RABGAP1L: variants seen among roughly 807,000 people sequenced by gnomAD.
The protein encoded by RABGAP1L is rab GTPase-activating protein 1-like.
Under a neutral mutation model 137.7 loss-of-function variants are expected in RABGAP1L, and 63 were observed. That is an observed-to-expected ratio of 0.46 (90% CI 0.37 to 0.56). The LOEUF (loss-of-function observed/expected upper bound fraction) is 0.56. Ranked by LOEUF, RABGAP1L falls within the 20% of genes least tolerant of loss-of-function variation. The pLI is 0.00. For missense variants in RABGAP1L, 1,095 were observed against 1,244.0 expected, an observed-to-expected ratio of 0.88 and a Z score of 1.80; for synonymous variants, 431 against 433.7, an observed-to-expected ratio of 0.99 and a Z score of 0.08.
rs879445793 is a variant in RABGAP1L, at chr1:174,638,564, C to G, written c.1824+1076C>G. Among the ~76,000 whole-genome samples the G allele has an allele frequency of 8.6e-5, 13 of 150,550 alleles. No homozygotes were observed. In the East Asian group the frequency reaches 2.5e-3, roughly 30 times the overall value. The stretch of plus-strand genomic sequence containing the variant: ...TATACCCAAATGACTATAAATCATG[C>G]TGCTGTAAAGACACATGCACACGTA... On this transcript the variant is annotated intron_variant, in intron 14 of 25. Coordinates refer to ENST00000681986, the MANE Select transcript of RABGAP1L (RefSeq NM_001366446.1).
intron 13 of RABGAP1L, among the ~76,000 whole-genome samples, chr1:174,447,886 T>TC (rs1571857615): frequency 2.2e-5 from 1 of 44,914 alleles, no homozygotes; most frequent in African/African-American, 9.9e-5. Context: ...CTCCACCCCT[T>TC]ACCGCCCCCC....
At chr1:174,769,725 C>T (rs904100378) in intron 18 of RABGAP1L, among the ~76,000 whole-genome samples, 7 of 152,022 alleles carry the variant, frequency 4.6e-5, no homozygotes, top group East Asian at 1.9e-4. Flanking sequence ...TGGTGGTGGG[C>T]GCCTGTAGTC....
chr1:174,282,813 T>C (rs1178591454), intron 10 of RABGAP1L, among the ~76,000 whole-genome samples: 1 of 152,172 alleles, frequency 6.6e-6, no homozygotes, highest in Non-Finnish European at 1.5e-5. Context: ...TTCCCACACC[T>C]CTCTCATGTG....
rs545509058 is a variant in RABGAP1L at position 174,202,191 on chromosome 1, G to T, written c.-33-16934G>T. ...AGTAATGGGATGGCTGGGTCAAATGGTATTTCTAGTTCTAGATCCCTGAGG... is the reference window on the plus strand; with the variant it reads ...AGTAATGGGATGGCTGGGTCAAATGTTATTTCTAGTTCTAGATCCCTGAGG... On this transcript the variant is annotated intron_variant, in intron 1 of 25. Coordinates refer to ENST00000681986, the MANE Select transcript of RABGAP1L (RefSeq NM_001366446.1). 3.8e-3 allele frequency among the ~76,000 whole-genome samples: 582 copies of T among 152,038 alleles called. 13 individuals carry two copies. The highest frequency in any genetic ancestry group is 0.032 in the Admixed American group (492 of 15,262).
rs544906571 is a variant in RABGAP1L, at chr1:174,690,874, C to T, written c.1899+7278C>T. Among the ~76,000 whole-genome samples, 24 of 148,740 alleles carry T rather than the reference C, an allele frequency of 1.6e-4. No individual in the cohort carries two copies. The South Asian group carries it at 5.2e-3, about 32-fold the overall frequency. ...TTGAGACATGGTCTCGCTCTATGAC[C>T]CAGGCTGGAGTACAGTGGCAAGATG... is the stretch of plus-strand genomic sequence containing the variant. On this transcript the variant is annotated intron_variant, in intron 15 of 25. Transcript: ENST00000681986.
chr1:174,544,651 G>A (rs1665834647), intron 13 of RABGAP1L, among the ~76,000 whole-genome samples: 2 of 152,206 alleles, frequency 1.3e-5, no homozygotes, highest in Admixed American at 6.5e-5. Flanking sequence ...CTGGCGAGGA[G>A]CTGCGATACT....
intron 14 of RABGAP1L, among the ~76,000 whole-genome samples, chr1:174,643,916 G>GGTGTGT (rs553946714): frequency 1.0e-3 from 152 of 145,722 alleles, no homozygotes; most frequent in Non-Finnish European, 1.3e-3. Flanking sequence ...CTTATATAGG[G>GGTGTGT]GTGTGTGTGT....
intron 19 of RABGAP1L, among the ~76,000 whole-genome samples, chr1:174,932,624 A>G (rs1476732365): frequency 6.6e-6 from 1 of 152,130 alleles, no homozygotes; most frequent in Non-Finnish European, 1.5e-5. Context: ...CCCCTTCCTG[A>G]CAAATAAGAA....
intron 3 of RABGAP1L, among the ~76,000 whole-genome samples, chr1:174,227,115 C>T (rs1670247922): frequency 6.6e-6 from 1 of 151,740 alleles, no homozygotes; most frequent in Non-Finnish European, 1.5e-5. Context: ...TAAATACTTG[C>T]ATAATATTGT....
chr1:174,792,449 C>T (rs1174262227), intron 18 of RABGAP1L, among the ~76,000 whole-genome samples: 1 of 151,974 alleles, frequency 6.6e-6, no homozygotes, highest in Non-Finnish European at 1.5e-5. Context: ...TAATTAACGT[C>T]ACGTGGAAAA....
At chr1:174,782,752 G>C (rs1687109459) in intron 18 of RABGAP1L, among the ~76,000 whole-genome samples, 1 of 152,158 alleles carries the variant, frequency 6.6e-6, no homozygotes, top group Admixed American at 6.6e-5. Flanking sequence ...TGTGGACGGT[G>C]ACCACACCCA....
At chr1:174,893,130 G>A (rs146154203) in intron 19 of RABGAP1L, 19 of 322,032 alleles carry the variant, frequency 5.9e-5, no homozygotes, top group East Asian at 8.2e-5. Context: ...ATCATTGTGC[G>A]GCCCTGTGTG....
Position 174,921,997 on chromosome 1 carries a change from C to T in RABGAP1L, c.2341-35460C>T, listed in dbSNP as rs553026681. On this transcript the variant is annotated intron_variant, in intron 19 of 25. Coordinates refer to ENST00000681986, the MANE Select transcript of RABGAP1L (RefSeq NM_001366446.1). The stretch of plus-strand genomic sequence containing the variant: ...ACTATTGAAATCAATATGGGGGATG[C>T]TGTTTTGATACATTCACTCTGCCCT... The T allele has an allele frequency of 2.6e-5, 4 of 152,304 alleles. No homozygotes were observed. The East Asian group carries it at 7.7e-4, about 29-fold the overall frequency. 9.4% of individuals were successfully genotyped at this position (152,304 alleles called of 1,614,324 possible). A position where few individuals can be genotyped will look rare whatever the true frequency, so the allele number is the denominator to read the frequency against.
chr1:174,722,576 A>G (rs1223368261), intron 17 of RABGAP1L, among the ~76,000 whole-genome samples: 2 of 151,568 alleles, frequency 1.3e-5, no homozygotes, highest in Admixed American at 1.3e-4. Context: ...CAGCCTCCCA[A>G]GTGGCTGGGA....
intron 13 of RABGAP1L, among the ~76,000 whole-genome samples, chr1:174,414,838 C>T (rs1468827763): frequency 1.3e-5 from 2 of 151,746 alleles, no homozygotes; most frequent in East Asian, 3.9e-4. Context: ...ATATGCACAC[C>T]TCAAAATATG....
intron 17 of RABGAP1L, among the ~76,000 whole-genome samples, chr1:174,703,213 T>C (rs779851773): frequency 6.6e-6 from 1 of 152,202 alleles, no homozygotes; most frequent in Non-Finnish European, 1.5e-5. Context: ...AGTGTAACCA[T>C]CACTTGAATA....
intron 17 of RABGAP1L, among the ~76,000 whole-genome samples, chr1:174,730,009 A>C (rs944524391): frequency 1.3e-5 from 2 of 152,238 alleles, no homozygotes; most frequent in Admixed American, 1.3e-4. Context: ...ACATACACTT[A>C]CATGTTAATT....
intron 19 of RABGAP1L, among the ~76,000 whole-genome samples, chr1:174,902,190 G>A (rs1317983597): frequency 6.6e-6 from 1 of 152,236 alleles, no homozygotes; most frequent in Admixed American, 6.5e-5. Flanking sequence ...CAAAGAAGCA[G>A]TCTGGCTGCT....
intron 13 of RABGAP1L, among the ~76,000 whole-genome samples, chr1:174,549,477 A>G (rs149153754): frequency 6.6e-6 from 1 of 152,316 alleles, no homozygotes; most frequent in Non-Finnish European, 1.5e-5. Flanking sequence ...ATTGTAACAT[A>G]GCATTCTTGT....
Sources: gnomAD v4.1 joint callset for allele counts (sites outside exome capture counted in the v4.1 genomes callset) on GRCh38, gnomAD v4.1.1 for gene constraint, MANE v1.5 for transcripts, NCBI Gene and HGNC (gene_info 2026-07-23, HGNC 2026-07-21) for gene names.